Variants in CDKAL1 observed in about 807,000 individuals in gnomAD.
The protein encoded by CDKAL1 is CDKAL1 threonylcarbamoyladenosine tRNA methylthiotransferase.
A neutral mutation model predicts 68.2 loss-of-function variants in CDKAL1; 32 were observed. The ratio of observed to expected loss-of-function variants is 0.47; its 90% CI spans 0.35 to 0.63. The LOEUF is 0.63. Ranked by LOEUF, CDKAL1 falls within the 30% of genes least tolerant of loss-of-function variation. The pLI is 0.00. For missense variants in CDKAL1, 606 were observed against 696.7 expected (o/e 0.87, Z 1.47); for synonymous variants, 234 against 244.3 (o/e 0.96, Z 0.39).
intron 11 of CDKAL1, among the ~76,000 whole-genome samples, chr6:21,059,109 G>C (rs549213617): frequency 6.6e-6 from 1 of 152,318 alleles, no homozygotes; most frequent in African/African-American, 2.4e-5. Flanking sequence ...CCACTGGCTG[G>C]AGTTGGTGAA....
rs564495622 is a variant in CDKAL1, at chr6:20,853,113, G to T, written c.742+6935G>T. The stretch of plus-strand genomic sequence containing the variant: ...ACTGTATGATAGACCAGTCGTGGTG[G>T]CTCACGCCTGTAATCCCAGCACTTT... On this transcript the variant is annotated intron_variant, in intron 9 of 15. Transcript: ENST00000274695. Among the ~76,000 whole-genome samples the T allele has an allele frequency of 4.6e-5, 7 of 152,304 alleles. No homozygotes were observed. In the South Asian group the frequency reaches 1.5e-3, roughly 32 times the overall value.
chr6:20,745,200 C>A (rs919145660), intron 6 of CDKAL1, among the ~76,000 whole-genome samples: 3 of 152,148 alleles, frequency 2.0e-5, no homozygotes, highest in African/African-American at 7.2e-5. Context: ...AAAAGTGAAA[C>A]AGGATTGACT....
At chr6:21,002,742 C>A (rs1767495180) in intron 11 of CDKAL1, among the ~76,000 whole-genome samples, 1 of 151,510 alleles carries the variant, frequency 6.6e-6, no homozygotes, top group Non-Finnish European at 1.5e-5. Flanking sequence ...AATCCTAGTA[C>A]ATTGGGAGGC....
At chr6:20,557,052 AATAAATAAATAAAT>A (rs1388206245) in intron 4 of CDKAL1, among the ~76,000 whole-genome samples, 10 of 72,326 alleles carry the variant, frequency 1.4e-4, no homozygotes, top group Admixed American at 2.7e-4. Flanking sequence ...AAAAAAAAAA[AATAAATAAATAAAT>A]AAATAAATAA....
intron 13 of CDKAL1, among the ~76,000 whole-genome samples, chr6:21,120,573 C>T (rs964097859): frequency 6.6e-6 from 1 of 152,186 alleles, no homozygotes; most frequent in African/African-American, 2.4e-5. Context: ...CCAGAGGCAA[C>T]CACTGTTGCT....
intron 9 of CDKAL1, among the ~76,000 whole-genome samples, chr6:20,907,471 A>G (rs1762282876): frequency 6.6e-6 from 1 of 152,236 alleles, no homozygotes. Context: ...ATGGAACATA[A>G]CGTTAAAAAA....
At chr6:20,949,473 T>G (rs955630865) in intron 9 of CDKAL1, among the ~76,000 whole-genome samples, 1 of 152,228 alleles carries the variant, frequency 6.6e-6, no homozygotes, top group Non-Finnish European at 1.5e-5. Flanking sequence ...TTTATGTGTC[T>G]GTGTAGGAGG....
At chr6:20,999,663 TAA>T (rs36078234) in intron 10 of CDKAL1, among the ~76,000 whole-genome samples, 87 of 93,364 alleles carry the variant, frequency 9.3e-4, no homozygotes, top group South Asian at 2.3e-3. Flanking sequence ...TGACTGAAAT[TAA>T]AAAAAAAAAA....
intron 13 of CDKAL1, among the ~76,000 whole-genome samples, chr6:21,123,757 A>C (rs4479917): frequency 6.6e-6 from 1 of 152,088 alleles, no homozygotes; most frequent in Admixed American, 6.5e-5. Context: ...TACAGTCACT[A>C]ACCCTTCACT....
chr6:21,170,710 T>C (rs1293582291), intron 13 of CDKAL1, among the ~76,000 whole-genome samples: 1 of 152,214 alleles, frequency 6.6e-6, no homozygotes, highest in Non-Finnish European at 1.5e-5. Context: ...AAAATGTTTC[T>C]GATGCAATGA....
chr6:20,722,494 T>A lies in CDKAL1; in HGVS notation c.372-17025T>A, dbSNP rs563270630. 3 of 317,872 alleles carry A rather than the reference T, an allele frequency of 9.4e-6. No homozygotes were observed. In the East Asian group the frequency reaches 2.7e-4, roughly 29 times the overall value. The allele number at this position is 317,872 out of a possible 1,614,324, so 19.7% of individuals were successfully genotyped here. A position where few individuals can be genotyped will look rare whatever the true frequency, so the allele number is the denominator to read the frequency against. On this transcript the variant is annotated intron_variant, in intron 5 of 15. Transcript: ENST00000274695. The stretch of plus-strand genomic sequence containing the variant: ...AGCCTTTTTACAGAATTCCAGAAAA[T>A]GGGTTTAGTATGCCCACCATAGCCA...
chr6:20,849,286 A>G (rs902636753), intron 9 of CDKAL1, among the ~76,000 whole-genome samples: 2 of 152,058 alleles, frequency 1.3e-5, no homozygotes, highest in African/African-American at 4.8e-5. Context: ...TGGCTATGTC[A>G]ATATTATGAA....
intron 15 of CDKAL1, among the ~76,000 whole-genome samples, chr6:21,224,792 T>C (rs567107530): frequency 1.3e-5 from 2 of 152,358 alleles, no homozygotes; most frequent in East Asian, 3.9e-4. Context: ...AGAACTCACA[T>C]AACATGCTGT....
At chr6:20,665,021 T>C (rs1769462281) in intron 5 of CDKAL1, among the ~76,000 whole-genome samples, 1 of 152,030 alleles carries the variant, frequency 6.6e-6, no homozygotes, top group Non-Finnish European at 1.5e-5. Flanking sequence ...GGAGCACATA[T>C]GCAGCTGAGA....
At chr6:21,031,400 A>T (rs1309222357) in intron 11 of CDKAL1, among the ~76,000 whole-genome samples, 1 of 151,406 alleles carries the variant, frequency 6.6e-6, no homozygotes, top group Non-Finnish European at 1.5e-5. Context: ...CATCAGGAAA[A>T]ATCTCCTTAT....
chr6:20,572,087 A>G (rs1009806284), intron 4 of CDKAL1, among the ~76,000 whole-genome samples: 1 of 152,210 alleles, frequency 6.6e-6, no homozygotes, highest in Non-Finnish European at 1.5e-5. Context: ...ATTCTAATCT[A>G]TGCAGGTTGG....
chr6:20,638,834 A>G (rs919260150), intron 4 of CDKAL1, among the ~76,000 whole-genome samples: 5 of 152,110 alleles, frequency 3.3e-5, no homozygotes, highest in African/African-American at 4.8e-5. Context: ...GGGTTTCACC[A>G]TGTTGGTCAT....
intron 9 of CDKAL1, among the ~76,000 whole-genome samples, chr6:20,905,457 C>T (rs1258020367): frequency 2.0e-5 from 3 of 152,090 alleles, no homozygotes; most frequent in Non-Finnish European, 4.4e-5. Flanking sequence ...TGGAACCTTA[C>T]ACCATGAAAC....
intron 10 of CDKAL1, among the ~76,000 whole-genome samples, chr6:20,994,127 C>T (rs760705501): frequency 2.0e-5 from 3 of 152,168 alleles, no homozygotes; most frequent in Non-Finnish European, 2.9e-5. Flanking sequence ...CTAAATGCTT[C>T]TTTTTCCCTT....
Sources: gnomAD v4.1 joint callset for allele counts (sites outside exome capture counted in the v4.1 genomes callset) on GRCh38, gnomAD v4.1.1 for gene constraint, MANE v1.5 for transcripts, NCBI Gene and HGNC (gene_info 2026-07-23, HGNC 2026-07-21) for gene names.